Variants in MLLT10 observed in about 807,000 individuals in gnomAD.
The protein encoded by MLLT10 is protein AF-10.
A neutral mutation model predicts 129.1 loss-of-function variants in MLLT10; 30 were observed. The ratio of observed to expected loss-of-function variants is 0.23; its 90% CI spans 0.17 to 0.32. The LOEUF (loss-of-function observed/expected upper bound fraction) is 0.32, where lower values mean the gene tolerates loss of function less well. Ranked by LOEUF, MLLT10 falls within the 10% of genes least tolerant of loss-of-function variation. The pLI is 1.00. For missense variants in MLLT10, 1,119 were observed against 1,268.3 expected, an observed-to-expected ratio of 0.88 and a Z score of 1.79; for synonymous variants, 490 against 446.4, an observed-to-expected ratio of 1.10 and a Z score of -1.23.
At chr10:21,621,268 G>A (rs2045818904) in intron 8 of MLLT10, among the ~76,000 whole-genome samples, 1 of 136,034 alleles carries the variant, frequency 7.4e-6, no homozygotes, top group Non-Finnish European at 1.5e-5. Context: ...TTTTTGAGAC[G>A]GAGTCTCGCT....
At chr10:21,648,105 C>T (rs1179288048) in intron 8 of MLLT10, among the ~76,000 whole-genome samples, 1 of 152,044 alleles carries the variant, frequency 6.6e-6, no homozygotes, top group Non-Finnish European at 1.5e-5. Flanking sequence ...TTGGAACCTC[C>T]TCTTTATCAT....
chr10:21,621,554 A>G (rs1221128532), intron 8 of MLLT10, among the ~76,000 whole-genome samples: 3 of 151,960 alleles, frequency 2.0e-5, no homozygotes, highest in African/African-American at 7.3e-5. Flanking sequence ...CAAGAATTTA[A>G]TTTTTTAAAA....
Position 21,586,277 on chromosome 10 carries a change from T to TC in MLLT10, c.241-17_241-16insC. On this transcript the variant is annotated splice_polypyrimidine_tract_variant and intron_variant, in intron 3 of 22. Transcript: ENST00000307729. Reference sequence around the variant, plus strand: ...ATCTGAAATATTCATTACCTGTTTCTTTTTTTTTTTTTATAGAGATGTGAA... The same window carrying TC: ...ATCTGAAATATTCATTACCTGTTTCTCTTTTTTTTTTTTATAGAGATGTGAA... 5.5e-6 allele frequency: 2 copies of TC among 365,186 alleles called. No homozygotes were observed. The highest frequency in any genetic ancestry group is 2.1e-4 in the East Asian group (2 of 9,494). 22.6% of individuals were successfully genotyped at this position (365,186 alleles called of 1,614,324 possible).
intron 8 of MLLT10, among the ~76,000 whole-genome samples, chr10:21,622,153 C>CTTTTTT (rs71393915): frequency 7.0e-5 from 7 of 99,794 alleles, no homozygotes; most frequent in African/African-American, 8.3e-5. Flanking sequence ...TTTGTTTTTC[C>CTTTTTT]TTTTTTTTTT....
At chr10:21,569,646 C>T (rs943749232) in intron 3 of MLLT10, among the ~76,000 whole-genome samples, 1 of 152,088 alleles carries the variant, frequency 6.6e-6, no homozygotes, top group Non-Finnish European at 1.5e-5. Context: ...GACTCGAATT[C>T]CTGACCTCAG....
chr10:21,570,235 TGCGCGC>T (rs567250440), intron 3 of MLLT10, among the ~76,000 whole-genome samples: 1 of 148,920 alleles, frequency 6.7e-6, no homozygotes, highest in South Asian at 2.1e-4. Context: ...TGTGTGTGTG[TGCGCGC>T]GTGTGTGTGT....
intron 9 of MLLT10, among the ~76,000 whole-genome samples, chr10:21,665,223 GGCGCGAGCCACTGCGCC>G: frequency 6.6e-6 from 1 of 150,956 alleles, no homozygotes; most frequent in African/African-American, 2.4e-5. Context: ...TGGGATTACA[GGCGCGAGCCACTGCGCC>G]TGGCCTGAAG....
intron 13 of MLLT10, among the ~76,000 whole-genome samples, chr10:21,702,270 T>C (rs2055004489): frequency 1.3e-5 from 2 of 152,164 alleles, no homozygotes; most frequent in African/African-American, 4.8e-5. Context: ...TAAGTTCCTC[T>C]TTGTGTTGAT....
intron 10 of MLLT10, 49 bp from the exon 11 acceptor site, chr10:21,673,301 T>TGGGGC: frequency 8.4e-6 from 2 of 237,942 alleles, no homozygotes; most frequent in Non-Finnish European, 1.3e-5. Flanking sequence ...AATTTTTCTG[T>TGGGGC]CCCCCCCACC....
At chr10:21,613,847 A>T (rs1589235803) in intron 6 of MLLT10, among the ~76,000 whole-genome samples, 1 of 151,994 alleles carries the variant, frequency 6.6e-6, no homozygotes, top group Non-Finnish European at 1.5e-5. Flanking sequence ...CCGAGGTTGC[A>T]GTGAGCTGAG....
At chr10:21,572,702 T>G (rs1207324391) in intron 3 of MLLT10, among the ~76,000 whole-genome samples, 1 of 152,074 alleles carries the variant, frequency 6.6e-6, no homozygotes, top group Non-Finnish European at 1.5e-5. Context: ...TCACTCCATC[T>G]CCTGGGTTCA....
chr10:21,701,104 A>G (rs1254474761), intron 13 of MLLT10, among the ~76,000 whole-genome samples: 1 of 151,998 alleles, frequency 6.6e-6, no homozygotes, highest in African/African-American at 2.4e-5. Context: ...TAGATTTTCC[A>G]ATTTGTTAGC....
chr10:21,729,601 G>A (rs1042949045), intron 16 of MLLT10, among the ~76,000 whole-genome samples: 1 of 152,182 alleles, frequency 6.6e-6, no homozygotes, highest in African/African-American at 2.4e-5. Flanking sequence ...CTAGTGGGTT[G>A]TTAGAAGACC....
At chr10:21,696,186 A>G (rs966516313) in intron 13 of MLLT10, among the ~76,000 whole-genome samples, 4 of 151,356 alleles carry the variant, frequency 2.6e-5, no homozygotes, top group Non-Finnish European at 2.9e-5. Flanking sequence ...TTTTTTGAGT[A>G]TGTATTTATT....
At chr10:21,638,257 T>TGGTGGGG (rs1416940090) in intron 8 of MLLT10, among the ~76,000 whole-genome samples, 11 of 80,524 alleles carry the variant, frequency 1.4e-4, no homozygotes, top group African/African-American at 5.5e-4. Flanking sequence ...TTCTTTTTGG[T>TGGTGGGG]GGGGGGAGGG....
chr10:21,651,645 A>G, intron 8 of MLLT10, 28 bp from the exon 9 acceptor site: 1 of 1,533,626 alleles, frequency 6.5e-7, no homozygotes, highest in Non-Finnish European at 9.0e-7. Context: ...TTAAATTAAA[A>G]TTGGATTTTA....
At chr10:21,547,730 G>T (rs2036334787) in intron 3 of MLLT10, among the ~76,000 whole-genome samples, 1 of 151,808 alleles carries the variant, frequency 6.6e-6, no homozygotes, top group Non-Finnish European at 1.5e-5. Flanking sequence ...ATAGAGATGG[G>T]GTTTCACCAT....
chr10:21,726,527 G>A (rs2057523054), intron 15 of MLLT10, among the ~76,000 whole-genome samples, 172 bp downstream of exon 15: 1 of 152,036 alleles, frequency 6.6e-6, no homozygotes, highest in Middle Eastern at 3.4e-3. Context: ...TGCTGGTTAT[G>A]TTAACTAGCT....
intron 3 of MLLT10, among the ~76,000 whole-genome samples, chr10:21,543,293 G>T (rs1295491636): frequency 1.3e-5 from 2 of 151,898 alleles, no homozygotes; most frequent in East Asian, 3.9e-4. Flanking sequence ...GCTAATTTTT[G>T]TATTTTTAGT....
Sources: allele counts gnomAD v4.1 joint callset (sites outside exome capture counted in the v4.1 genomes callset), GRCh38; gene constraint gnomAD v4.1.1; transcripts MANE v1.5; gene names NCBI Gene and HGNC (gene_info 2026-07-23, HGNC 2026-07-21).